Variants in TTN observed in about 807,000 individuals in gnomAD.
TTN encodes the protein titin.
A neutral mutation model predicts 3,223.0 loss-of-function variants in TTN; 1,525 were observed. That is an observed-to-expected ratio of 0.47 (90% CI 0.45 to 0.49). The LOEUF (loss-of-function observed/expected upper bound fraction) is 0.49. Ranked by LOEUF, TTN falls within the 20% of genes least tolerant of loss-of-function variation. The probability of loss-of-function intolerance (pLI) is 0.00; values close to 1 mark genes in which losing one functional copy is unlikely to be tolerated. For missense variants in TTN, 40,786 were observed against 43,424.0 expected (o/e 0.94, Z 5.40); for synonymous variants, 14,094 against 15,161.0 (o/e 0.93, Z 5.17).
In TTN at chr2:178,722,741, G is replaced by A; in HGVS notation, c.22158C>T (p.Asn7386=). 1.9e-6 allele frequency: 3 copies of A among 1,613,168 alleles called. No individual in the cohort carries two copies. Among genetic ancestry groups the A allele is most frequent in the South Asian group, 2.2e-5 (2 of 91,012 alleles). ...ATGTGTACTCTCCACTGTCATTGATGTTCACTTTATTAAAAACAAGTGTGG... is the reference window on the plus strand; with the variant it reads ...ATGTGTACTCTCCACTGTCATTGATATTCACTTTATTAAAAACAAGTGTGG... ...NVATLVFNKV[N]INDSGEYTCK... is the part of the protein sequence containing the mutation. Residue 7386 remains asparagine, a synonymous_variant, in exon 76 of 363, where the codon AAC becomes AAT. Coordinates refer to ENST00000589042, the MANE Select transcript of TTN (RefSeq NM_001267550.2).
At position 178,528,533 on chromosome 2, in the gene TTN, G is replaced by C. The variant is rs1176056991; in HGVS notation, c.107218C>G (p.Leu35740Val). ...SPEIEWFKNN[L>V]PISISSNVSI... ...ATATTCATAATTAAACTTACTGGCA[G>C]GTTGTTTTTAAACCATTCGATTTCA... Residue 35740 changes from leucine to valine, a missense_variant, in exon 360 of 363, where the codon CTG becomes GTG. Leu to Val is a conservative substitution (Grantham distance 32). Coordinates refer to ENST00000589042, the MANE Select transcript of TTN (RefSeq NM_001267550.2). The C allele has an allele frequency of 1.9e-6, 3 of 1,603,900 alleles. No homozygotes were observed. In the Admixed American group the frequency reaches 5.1e-5, roughly 27 times the overall value.
rs570644860 is a variant in TTN at position 178,614,184 on chromosome 2, C to T, written c.49213G>A (p.Val16405Ile). The stretch of plus-strand genomic sequence containing the variant: ...GTGGCCTTGAAGTTTGTATCCTTGA[C>T]GGTGGATGAGAGCTTGTGCCACACT... ...SEVWHKLSST[V>I]KDTNFKATKL... Residue 16405 changes from valine (V) to isoleucine (I), a missense_variant, in exon 262 of 363, where the codon GTC becomes ATC. Coordinates refer to ENST00000589042, the MANE Select transcript of TTN (RefSeq NM_001267550.2). 46 of 1,612,402 alleles carry T rather than the reference C, an allele frequency of 2.9e-5. No individual in the cohort carries two copies. In the East Asian group the frequency reaches 3.1e-4, roughly 11 times the overall value.
chr2:178,571,948 C>T lies in TTN; in HGVS notation c.74184G>A (p.Leu24728=). Residue 24728 remains leucine, a synonymous_variant, in exon 326 of 363, where the codon CTG becomes CTA. Transcript: ENST00000589042. The stretch of plus-strand genomic sequence containing the variant: ...CATCAACTTTTAGGTCTTCACCTGC[C>T]AGTACAGTGAAAGTATTGAACAGGA... ...FKLLFNTFTV[L]AGEDLKVDVP... The T allele has an allele frequency of 6.2e-7, 1 of 1,613,270 alleles. No homozygotes were observed. Among genetic ancestry groups the T allele is most frequent in the Admixed American group, 1.7e-5 (1 of 59,976 alleles).
In TTN at chr2:178,792,190, TTTC is replaced by T. The variant is rs754295528; in HGVS notation, c.1541_1543del (p.Arg514del). On this transcript the variant is annotated inframe_deletion, in exon 10 of 363. Coordinates refer to ENST00000589042, the MANE Select transcript of TTN (RefSeq NM_001267550.2). ...TGGTACAAATGTTTTTTCAGTTTCTTTTCTTATCTGCAAAGAATGATTTAAGAA... is the reference window on the plus strand; with the variant it reads ...TGGTACAAATGTTTTTTCAGTTTCTTTTATCTGCAAAGAATGATTTAAGAA... 6.2e-7 allele frequency: 1 copy of T among 1,606,772 alleles called. No homozygotes were observed. The highest frequency in any genetic ancestry group is 1.3e-5 in the African/African-American group (1 of 74,686).
At chr2:178,632,052 C>A in intron 236 of TTN, 95 bp downstream of exon 236, 2 of 1,331,366 alleles carry the variant, frequency 1.5e-6, no homozygotes, top group Non-Finnish European at 2.0e-6. Flanking sequence ...TGCTTTCATG[C>A]AATATAACAC....
chr2:178,704,521 A>C lies in TTN; in HGVS notation c.29951T>G (p.Leu9984Arg). 1 of 1,603,630 alleles carries C rather than the reference A, an allele frequency of 6.2e-7. No homozygotes were observed. The highest frequency in any genetic ancestry group is 8.5e-7 in the Non-Finnish European group (1 of 1,174,472). The change falls in exon 105 of 363, where the codon CTA becomes CGA. Residue 9984 changes from leucine (L) to arginine (R), a missense_variant. Coordinates refer to ENST00000589042, the MANE Select transcript of TTN (RefSeq NM_001267550.2). ...VCGPHIASAK[L>R]TVIEPAWERH... Reference sequence around the variant, plus strand: ...CTTTTCTAACTTACCAATTACAGTTAGTTTAGCGCTAGCGATGTGTGGACC... The same window carrying C: ...CTTTTCTAACTTACCAATTACAGTTCGTTTAGCGCTAGCGATGTGTGGACC...
chr2:178,722,345 G>T lies in TTN; in HGVS notation c.22442C>A (p.Thr7481Asn). ...DNVATLKILQ[T>N]DLSHSGQYSC... is the part of the protein sequence containing the mutation. ...GTACTGGCCAGAGTGACTCAAGTCA[G>T]TTTGCAAAATTTTTAAAGTTGCCAC... Residue 7481 changes from threonine to asparagine, a missense_variant, in exon 77 of 363, where the codon ACT (threonine) becomes AAT (asparagine). Thr to Asn is a moderately conservative substitution (Grantham distance 65). Coordinates refer to ENST00000589042, the MANE Select transcript of TTN (RefSeq NM_001267550.2). 1.2e-6 allele frequency: 2 copies of T among 1,613,256 alleles called. No individual in the cohort carries two copies. The highest frequency in any genetic ancestry group is 1.7e-6 in the Non-Finnish European group (2 of 1,179,508).
Position 178,548,042 on chromosome 2 carries a change from C to G in TTN, c.93584G>C (p.Ser31195Thr). The change falls in exon 339 of 363, where the codon AGT (serine) becomes ACT (threonine). Residue 31195 changes from serine to threonine, a missense_variant. Physicochemically the swap from Ser to Thr is moderately conservative, Grantham distance 58 (BLOSUM62 1). Transcript: ENST00000589042. The surrounding 1 kb of genome is among the most constrained non-coding windows in gnomAD (Gnocchi z 4.3). ...AGAAGAGAAGGCTTCTCTGGGTTCA[C>G]TATAGCCAGCATCATTCTTGGCCTT... ...RVKAKNDAGY[S>T]EPREAFSSVI... 6.2e-7 allele frequency: 1 copy of G among 1,613,858 alleles called. No individual in the cohort carries two copies. Among genetic ancestry groups the G allele is most frequent in the Non-Finnish European group, 8.5e-7 (1 of 1,179,812 alleles).
rs183013408 is a variant in TTN at position 178,557,064 on chromosome 2, C to T, written c.88090G>A (p.Gly29364Ser). The part of the protein sequence containing the change: ...LSWQQPAFDG[G>S]SKITGYIVER... ...ACAATGTAGCCTGTAATCTTGCTAC[C>T]TCCATCGAAAGCTGGTTGTTGCCAT... The change falls in exon 330 of 363, where the codon GGT (glycine) becomes AGT (serine). Residue 29364 changes from glycine to serine, a missense_variant. By Grantham distance (56) the Gly-to-Ser change is moderately conservative (BLOSUM62 0). Transcript: ENST00000589042. 886 of 1,613,728 alleles carry T rather than the reference C, an allele frequency of 5.5e-4. No homozygotes were observed. Among genetic ancestry groups the T allele is most frequent in the Admixed American group, 8.0e-4 (48 of 60,006 alleles).
At chr2:178,543,002 T>G in intron 347 of TTN, 53 bp from the exon 348 acceptor site, 3 of 1,540,642 alleles carry the variant, frequency 1.9e-6, no homozygotes, top group Non-Finnish European at 2.6e-6. Context: ...TATGGTAAAT[T>G]GTTACGAATT....
Position 178,752,533 on chromosome 2 carries a change from T to C in TTN, c.11311+591A>G, listed in dbSNP as rs534808682. 2.0e-5 allele frequency among the ~76,000 whole-genome samples: 3 copies of C among 152,138 alleles called. No homozygotes were observed. The South Asian group carries it at 6.2e-4, about 32-fold the overall frequency. On this transcript the variant is annotated intron_variant, in intron 47 of 362. Transcript: ENST00000589042. ...AAAATGAGAAGGCGTTTATTCGAAC[T>C]AATACAGCCATAAAGTCACAATGTT...
At position 178,551,272 on chromosome 2, in the gene TTN, T is replaced by G. The variant is rs1168291461; in HGVS notation, c.91271-12A>C. ...AGTGCCAGGTGGGTCTAAAAAATTA[T>G]AAGGAAGGTAAATGCATCATTACAT... is the stretch of plus-strand genomic sequence containing the variant. On this transcript the variant is annotated splice_polypyrimidine_tract_variant and intron_variant, in intron 335 of 362. Transcript: ENST00000589042. The G allele has an allele frequency of 1.2e-6, 2 of 1,604,110 alleles. No homozygotes were observed. The highest frequency in any genetic ancestry group is 1.7e-5 in the Admixed American group (1 of 58,408).
chr2:178,731,550 G>A lies in TTN; in HGVS notation c.17216C>T (p.Thr5739Ile), dbSNP rs751087281. The change falls in exon 59 of 363, where the codon ACC (threonine) becomes ATC (isoleucine). Residue 5739 changes from threonine to isoleucine, a missense_variant. Coordinates refer to ENST00000589042, the MANE Select transcript of TTN (RefSeq NM_001267550.2). ...PPSFIKKIES[T>I]SSLRGGTAAF... is the part of the protein sequence containing the mutation. ...AGCTGTGCCTCCCCGGAGGGAGCTG[G>A]TACTCTCGATCTTCTTTATGAAGGA... 6.2e-7 allele frequency: 1 copy of A among 1,610,244 alleles called. No individual in the cohort carries two copies. The highest frequency in any genetic ancestry group is 1.3e-5 in the African/African-American group (1 of 74,718).
chr2:178,558,972 TACAC>T (rs1702548562), intron 326 of TTN: 1 of 360,436 alleles, frequency 2.8e-6, no homozygotes, highest in Non-Finnish European at 5.0e-6. Flanking sequence ...CACACGCACA[TACAC>T]ACATATGATA....
At position 178,790,042 on chromosome 2, in the gene TTN, A is replaced by G; in HGVS notation, c.1874T>C (p.Leu625Ser). The G allele has an allele frequency of 1.9e-6, 3 of 1,613,254 alleles. No homozygotes were observed. The highest frequency in any genetic ancestry group is 8.5e-7 in the Non-Finnish European group (1 of 1,179,480). Residue 625 changes from leucine to serine, a missense_variant, in exon 12 of 363, where the codon TTA becomes TCA. Leu to Ser is a moderately radical substitution (Grantham distance 145). Transcript: ENST00000589042. ...AATGCCTTCTCTACCTCTTGATACT[A>G]AATCTTGTTCTTTGACTTTGGGTGT... ...VATPKVKEQD[L>S]VSRGREGITT...
chr2:178,586,598 T>G lies in TTN; in HGVS notation c.64303A>C (p.Lys21435Gln). 1 of 1,613,230 alleles carries G rather than the reference T, an allele frequency of 6.2e-7. No homozygotes were observed. Among genetic ancestry groups the G allele is most frequent in the Non-Finnish European group, 8.5e-7 (1 of 1,179,420 alleles). The change falls in exon 308 of 363, where the codon AAG becomes CAG. Residue 21435 changes from lysine (K) to glutamine (Q), a missense_variant. Lys to Gln is a moderately conservative substitution (Grantham distance 53). Transcript: ENST00000589042. Reference protein sequence around the residue: ...SLVVTGLKEGKKYKFRVAARN... With the variant: ...SLVVTGLKEGQKYKFRVAARN... ...GCCGCTACTCTAAATTTGTATTTCT[T>G]TCCTTCCTTTAGGCCAGTGACAACA...
In TTN at chr2:178,578,015, C is replaced by G. The variant is rs557161476; in HGVS notation, c.68500G>C (p.Glu22834Gln). Reference sequence around the variant, plus strand: ...ATTGGGTCCAGTGCCACAACAGGCTCTGATGGTAGGCTTGGCTTGCCCACA... The same window carrying G: ...ATTGGGTCCAGTGCCACAACAGGCTGTGATGGTAGGCTTGGCTTGCCCACA... ...AGVGKPSLPS[E>Q]PVVALDPIDP... The change falls in exon 322 of 363, where the codon GAG (glutamate) becomes CAG (glutamine). Residue 22834 changes from glutamate (E) to glutamine (Q), a missense_variant. By Grantham distance (29) the Glu-to-Gln change is conservative. Coordinates refer to ENST00000589042, the MANE Select transcript of TTN (RefSeq NM_001267550.2). The G allele has an allele frequency of 1.2e-6, 2 of 1,613,160 alleles. No homozygotes were observed. The highest frequency in any genetic ancestry group is 4.5e-5 in the East Asian group (2 of 44,728).
rs760239543 is a variant in TTN at position 178,790,789 on chromosome 2, CTT to C, written c.1717_1718del (p.Lys573ValfsTer26). ...CCGGGACTGTTTCTAGTTTTGTGGA[CTT>C]TGCAGTGGCAACTACCACCATGGAT... is the stretch of plus-strand genomic sequence containing the variant. The part of the protein sequence containing the change: ...AASMVVVATA[K>X]STKLETVPGA... On this transcript the variant is annotated frameshift_variant, in exon 11 of 363. Coordinates refer to ENST00000589042, the MANE Select transcript of TTN (RefSeq NM_001267550.2). LOFTEE classifies it high-confidence loss of function. 1 of 1,614,108 alleles carries C rather than the reference CTT, an allele frequency of 6.2e-7. No individual in the cohort carries two copies. Among genetic ancestry groups the C allele is most frequent in the South Asian group, 1.1e-5 (1 of 91,078 alleles).
Position 178,562,532 on chromosome 2 carries a change from G to C in TTN, c.83600C>G (p.Pro27867Arg), listed in dbSNP as rs374119634. The C allele has an allele frequency of 1.1e-4, 178 of 1,610,180 alleles. No individual in the cohort carries two copies. Among genetic ancestry groups the C allele is most frequent in the Non-Finnish European group, 1.4e-4 (168 of 1,178,644 alleles). Residue 27867 changes from proline to arginine, a missense_variant, in exon 326 of 363, where the codon CCT becomes CGT. Pro to Arg is a moderately radical substitution (Grantham distance 103, BLOSUM62 -2). Transcript: ENST00000589042. Reference sequence around the variant, plus strand: ...CACATCAACAAGAGTTACTCTTCCAGGTGGGAGGGGTGGTTCAGACACTTT... The same window carrying C: ...CACATCAACAAGAGTTACTCTTCCACGTGGGAGGGGTGGTTCAGACACTTT... ...PVKVSEPPLPPGRVTLVDVTR... is the reference protein window; with the variant it reads ...PVKVSEPPLPRGRVTLVDVTR...
Sources: gnomAD v4.1 joint callset for allele counts (sites outside exome capture counted in the v4.1 genomes callset) on GRCh38, gnomAD v4.1.1 for gene constraint, Gnocchi (gnomAD v3.1) non-coding constraint, MANE v1.5 for transcripts, NCBI Gene and HGNC (gene_info 2026-07-23, HGNC 2026-07-21) for gene names.